NRG3: variants seen among roughly 807,000 people sequenced by gnomAD.
NRG3 encodes the protein neuregulin 3.
In NRG3, 31 loss-of-function variants were observed where a neutral mutation model predicts 66.9. The observed-to-expected ratio is 0.46, with a 90% confidence interval of 0.35 to 0.63. The LOEUF (loss-of-function observed/expected upper bound fraction) is 0.63, where lower values mean the gene tolerates loss of function less well. Among genes scored for constraint, NRG3 ranks in the 20% least tolerant of loss-of-function variants. The probability of loss-of-function intolerance (pLI) is 0.00; values close to 1 mark genes in which losing one functional copy is unlikely to be tolerated. For synonymous variants in NRG3, 393 were observed against 359.4 expected, an observed-to-expected ratio of 1.09 and a Z score of -1.06; for missense variants, 910 against 878.9, an observed-to-expected ratio of 1.04 and a Z score of -0.45.
At chr10:82,102,477 T>C (rs569640342) in intron 1 of NRG3, among the ~76,000 whole-genome samples, 1 of 151,670 alleles carries the variant, frequency 6.6e-6, no homozygotes, top group South Asian at 2.1e-4. Flanking sequence ...CATGGTTTTA[T>C]TTAGGTTTAG....
At chr10:82,698,717 A>G (rs75008262) in intron 2 of NRG3, among the ~76,000 whole-genome samples, 3,354 of 152,234 alleles carry the variant, frequency 0.022, 141 homozygotes, top group African/African-American at 0.077. Flanking sequence ...TGATAATATA[A>G]ATATCTAGCC....
intron 2 of NRG3, among the ~76,000 whole-genome samples, chr10:82,557,364 G>C (rs1035753002): frequency 1.3e-5 from 2 of 152,052 alleles, no homozygotes; most frequent in Admixed American, 1.3e-4. Flanking sequence ...CTGTGATTTT[G>C]ATTTGCATAT....
At chr10:82,184,422 A>G (rs1338530815) in intron 1 of NRG3, among the ~76,000 whole-genome samples, 7 of 152,172 alleles carry the variant, frequency 4.6e-5, no homozygotes, top group Admixed American at 4.6e-4. Flanking sequence ...AGGGAAATTC[A>G]GGGAATGGTT....
At chr10:82,040,316 C>G (rs1318124982) in intron 1 of NRG3, among the ~76,000 whole-genome samples, 2 of 151,904 alleles carry the variant, frequency 1.3e-5, no homozygotes, top group African/African-American at 4.8e-5. Context: ...ATAGTATACA[C>G]AAATATACCC....
At chr10:82,149,603 A>T (rs1230640004) in intron 1 of NRG3, among the ~76,000 whole-genome samples, 2 of 152,186 alleles carry the variant, frequency 1.3e-5, no homozygotes, top group Non-Finnish European at 2.9e-5. Context: ...TTGTTTTCTC[A>T]TAAAGTTCCT....
chr10:82,544,528 G>T (rs546539002), intron 2 of NRG3, among the ~76,000 whole-genome samples: 1 of 152,258 alleles, frequency 6.6e-6, no homozygotes, highest in East Asian at 1.9e-4. Flanking sequence ...GACACAATCA[G>T]AGGCTTGAAG....
chr10:82,883,487 T>A (rs1247456154), intron 4 of NRG3, among the ~76,000 whole-genome samples: 1 of 152,136 alleles, frequency 6.6e-6, no homozygotes. Context: ...TTTTCCTGAG[T>A]CTCAGTATTC....
At chr10:82,394,637 A>G (rs1589970894) in intron 2 of NRG3, among the ~76,000 whole-genome samples, 1 of 152,170 alleles carries the variant, frequency 6.6e-6, no homozygotes, top group African/African-American at 2.4e-5. Flanking sequence ...TTTAATTTTC[A>G]TATCAGCAGT....
intron 7 of NRG3, among the ~76,000 whole-genome samples, chr10:82,974,116 G>T (rs574987515): frequency 6.6e-6 from 1 of 152,020 alleles, no homozygotes; most frequent in African/African-American, 2.4e-5. Flanking sequence ...CATTGCCTCT[G>T]TAAGAAACCT....
rs577226275 is a variant in NRG3, at chr10:82,543,396, T to C, written c.953+184528T>C. 1.6e-3 allele frequency among the ~76,000 whole-genome samples: 244 copies of C among 152,302 alleles called. 1 individual carries two copies. Among genetic ancestry groups the C allele is most frequent in the African/African-American group, 5.3e-3 (222 of 41,564 alleles). ...ATTCAGGAAAAAAATATAAATTTTG[T>C]ACTATTTTTGTAAATTCAAGATGAA... On this transcript the variant is annotated intron_variant, in intron 2 of 8. Coordinates refer to ENST00000372141, the MANE Select transcript of NRG3 (RefSeq NM_001010848.4).
At chr10:82,561,775 A>C (rs1004133117) in intron 2 of NRG3, among the ~76,000 whole-genome samples, 2 of 152,202 alleles carry the variant, frequency 1.3e-5, no homozygotes. Context: ...TCTCTGTCTC[A>C]TGCAGACTTG....
At chr10:82,687,246 A>T (rs908181512) in intron 2 of NRG3, among the ~76,000 whole-genome samples, 1 of 152,174 alleles carries the variant, frequency 6.6e-6, no homozygotes, top group Non-Finnish European at 1.5e-5. Context: ...GCTTTTACTC[A>T]GCAGGCAGTC....
At chr10:82,018,439 A>T (rs2061893269) in intron 1 of NRG3, among the ~76,000 whole-genome samples, 1 of 152,140 alleles carries the variant, frequency 6.6e-6, no homozygotes, top group Admixed American at 6.5e-5. Context: ...GTTCCATATG[A>T]ACTTTAAAGT....
intron 2 of NRG3, among the ~76,000 whole-genome samples, chr10:82,645,771 G>C (rs74651216): frequency 3.3e-5 from 5 of 152,242 alleles, no homozygotes; most frequent in Middle Eastern, 3.4e-3. Flanking sequence ...AAAAACAAGA[G>C]TGTTGTATTG....
intron 1 of NRG3, among the ~76,000 whole-genome samples, chr10:81,876,435 C>T (rs917782107): frequency 3.3e-5 from 5 of 152,292 alleles, no homozygotes; most frequent in Admixed American, 1.3e-4. Flanking sequence ...AACAGATCTC[C>T]CAACTCCCTT....
chr10:82,708,911 G>A (rs751570917), intron 2 of NRG3, among the ~76,000 whole-genome samples: 1 of 151,608 alleles, frequency 6.6e-6, no homozygotes, highest in Non-Finnish European at 1.5e-5. Context: ...ACTTTTCTTG[G>A]TGCTCATATA....
At chr10:82,456,647 T>C (rs2091281616) in intron 2 of NRG3, among the ~76,000 whole-genome samples, 1 of 152,130 alleles carries the variant, frequency 6.6e-6, no homozygotes, top group African/African-American at 2.4e-5. Flanking sequence ...GACTGTAATT[T>C]TGGGATTTCT....
chr10:82,783,648 A>G (rs1317048748), intron 3 of NRG3, among the ~76,000 whole-genome samples: 1 of 152,128 alleles, frequency 6.6e-6, no homozygotes, highest in Non-Finnish European at 1.5e-5. Flanking sequence ...TCCAACTTAC[A>G]AGGGACGTGA....
At chr10:82,106,769 G>A (rs1440122942) in intron 1 of NRG3, among the ~76,000 whole-genome samples, 1 of 152,078 alleles carries the variant, frequency 6.6e-6, no homozygotes, top group Non-Finnish European at 1.5e-5. Context: ...GCCTCCAAAA[G>A]TACTGGGATT....
Sources: gnomAD v4.1 joint callset for allele counts (sites outside exome capture counted in the v4.1 genomes callset) on GRCh38, gnomAD v4.1.1 for gene constraint, MANE v1.5 for transcripts, NCBI Gene and HGNC (gene_info 2026-07-23, HGNC 2026-07-21) for gene names.